SHANK2: variants seen among roughly 807,000 people sequenced by gnomAD.
SHANK2 encodes SH3 and multiple ankyrin repeat domains protein 2.
Under a neutral mutation model 133.7 loss-of-function variants are expected in SHANK2, and 43 were observed. The ratio of observed to expected loss-of-function variants is 0.32; its 90% CI spans 0.25 to 0.41. The LOEUF is 0.41. Among genes scored for constraint, SHANK2 ranks in the 10% least tolerant of loss-of-function variants. The pLI is 1.00. For missense variants in SHANK2, 1,994 were observed against 2,235.8 expected, an observed-to-expected ratio of 0.89 and a Z score of 2.18; for synonymous variants, 1,017 against 952.8, an observed-to-expected ratio of 1.07 and a Z score of -1.24.
intron 11 of SHANK2, among the ~76,000 whole-genome samples, chr11:70,832,156 G>A (rs1555058710): frequency 6.6e-6 from 1 of 152,196 alleles, no homozygotes; most frequent in East Asian, 1.9e-4. Flanking sequence ...TATTAATGGT[G>A]CCACTTCACA....
chr11:71,106,427 C>A (rs1285197415), intron 6 of SHANK2, among the ~76,000 whole-genome samples: 2 of 152,066 alleles, frequency 1.3e-5, no homozygotes, highest in East Asian at 1.9e-4. Context: ...CATAGGGAGA[C>A]CCCCATCTCT....
chr11:71,198,084 C>T (rs559802854), intron 2 of SHANK2, among the ~76,000 whole-genome samples: 4 of 152,264 alleles, frequency 2.6e-5, no homozygotes, highest in East Asian at 3.9e-4. Context: ...TCAAGGACAG[C>T]GGCTTGAGTT....
chr11:70,901,218 T>C (rs1788886230), intron 10 of SHANK2, among the ~76,000 whole-genome samples: 1 of 152,208 alleles, frequency 6.6e-6, no homozygotes, highest in South Asian at 2.1e-4. Flanking sequence ...CTTCATCTAA[T>C]CACCTTAGCT....
chr11:71,073,132 T>C (rs1951164522), intron 9 of SHANK2, among the ~76,000 whole-genome samples: 1 of 137,670 alleles, frequency 7.3e-6, no homozygotes, highest in Non-Finnish European at 1.6e-5. Flanking sequence ...TTTTTGTTTT[T>C]TTTCTTTTTC....
At chr11:70,651,791 G>A (rs577385428) in intron 17 of SHANK2, among the ~76,000 whole-genome samples, 3 of 152,236 alleles carry the variant, frequency 2.0e-5, no homozygotes, top group Non-Finnish European at 4.4e-5. Context: ...GAAGAATTCA[G>A]CAGTCACCCT....
chr11:70,824,327 T>C (rs1555056759), intron 11 of SHANK2, among the ~76,000 whole-genome samples: 1 of 152,120 alleles, frequency 6.6e-6, no homozygotes, highest in African/African-American at 2.4e-5. Context: ...GGTAAGAACC[T>C]GGAGGTGGTA....
chr11:70,908,966 C>T (rs1287012116), intron 10 of SHANK2, among the ~76,000 whole-genome samples: 3 of 152,134 alleles, frequency 2.0e-5, no homozygotes, highest in Admixed American at 6.5e-5. Flanking sequence ...ACCTTCTGGG[C>T]AGTATTATCC....
In SHANK2 at chr11:70,718,700, C is replaced by CTTTTTTTTTTTT. The variant is rs60414874; in HGVS notation, c.1778-19949_1778-19938dup. On this transcript the variant is annotated intron_variant, in intron 14 of 25. Coordinates refer to ENST00000601538, the MANE Select transcript of SHANK2 (RefSeq NM_012309.5). Reference sequence around the variant, plus strand: ...CTCCCTTTTTGATAGAGCTCATTCTCTTTTTTTTTTTTTGAATTGCTGGCC... The same window carrying CTTTTTTTTTTTT: ...CTCCCTTTTTGATAGAGCTCATTCTCTTTTTTTTTTTTTTTTTTTTTTTTTGAATTGCTGGCC... Among the ~76,000 whole-genome samples the CTTTTTTTTTTTT allele has an allele frequency of 8.3e-4, 108 of 129,758 alleles. 10 individuals carry two copies. Among genetic ancestry groups the CTTTTTTTTTTTT allele is most frequent in the African/African-American group, 2.3e-3 (70 of 31,062 alleles). The allele number at this position is 129,758 out of a possible 152,430, so 85.1% of individuals were successfully genotyped here. A position where few individuals can be genotyped will look rare whatever the true frequency, so the allele number is the denominator to read the frequency against.
At chr11:71,133,194 A>G (rs73523255) in intron 3 of SHANK2, among the ~76,000 whole-genome samples, 1,742 of 140,576 alleles carry the variant, frequency 0.012, 44 homozygotes, top group African/African-American at 0.05. Context: ...GGATGCATGG[A>G]TGGGTGGCTG....
chr11:71,176,102 C>G (rs1953438618), intron 2 of SHANK2, among the ~76,000 whole-genome samples: 1 of 152,214 alleles, frequency 6.6e-6, no homozygotes, highest in Non-Finnish European at 1.5e-5. Context: ...TCTCACCATT[C>G]ATGGGGCAGT....
At position 71,133,317 on chromosome 11, in the gene SHANK2, G is replaced by GCTGT. The variant is rs1163677876; in HGVS notation, c.207+13802_207+13803insACAG. Among the ~76,000 whole-genome samples the GCTGT allele has an allele frequency of 4.8e-5, 7 of 144,400 alleles. No individual in the cohort carries two copies. The East Asian group carries it at 1.4e-3, about 29-fold the overall frequency. The allele number at this position is 144,400 out of a possible 152,430, so 94.7% of individuals were successfully genotyped here. ...GGCTGGCTGGCTGGCTGGCTGGCTG[G>GCTGT]CTGGGTAGGTGGGTGGCTGGGAGGA... On this transcript the variant is annotated intron_variant, in intron 3 of 25. Transcript: ENST00000601538.
At chr11:71,059,820 C>T (rs1950966234) in intron 9 of SHANK2, among the ~76,000 whole-genome samples, 2 of 152,194 alleles carry the variant, frequency 1.3e-5, no homozygotes, top group African/African-American at 4.8e-5. Flanking sequence ...GTGACTGTGG[C>T]CAGCTTTGTT....
At chr11:71,091,964 C>T (rs1434428170) in intron 8 of SHANK2, among the ~76,000 whole-genome samples, 1 of 152,254 alleles carries the variant, frequency 6.6e-6, no homozygotes, top group South Asian at 2.1e-4. Flanking sequence ...CCTAACCCAA[C>T]TGTTGCAAGG....
At position 70,834,581 on chromosome 11, in the gene SHANK2, CTT is replaced by C. The variant is rs782502305; in HGVS notation, c.1175-13901_1175-13900del. 8.4e-4 allele frequency among the ~76,000 whole-genome samples: 128 copies of C among 152,344 alleles called. 1 individual carries two copies. The highest frequency in any genetic ancestry group is 8.3e-4 in the South Asian group (4 of 4,828). On this transcript the variant is annotated intron_variant, in intron 11 of 25. Transcript: ENST00000601538. ...CCCCACCAGATCCAAAATAGCATCT[CTT>C]GTTTCTTTCCCTCGTAGCTTTAGAT...
intron 14 of SHANK2, among the ~76,000 whole-genome samples, chr11:70,730,681 T>C (rs782742283): frequency 3.2e-4 from 48 of 152,322 alleles, no homozygotes; most frequent in Admixed American, 9.2e-4. Flanking sequence ...CTCTCCCTGC[T>C]GAAGGATGAG....
At chr11:70,852,160 T>A (rs1403784411) in intron 11 of SHANK2, among the ~76,000 whole-genome samples, 1 of 152,208 alleles carries the variant, frequency 6.6e-6, no homozygotes, top group Non-Finnish European at 1.5e-5. Flanking sequence ...GACTCAGACA[T>A]GACACACGGC....
In SHANK2 at chr11:70,538,896, C is replaced by T. The variant is rs187179303; in HGVS notation, c.2062-35965G>A. ...CACCCCCAGCCTCACCATCAACCAC[C>T]CCTCCATTAGCCTTGGCTACTGAGA... On this transcript the variant is annotated intron_variant, in intron 17 of 25. Transcript: ENST00000601538. Among the ~76,000 whole-genome samples, 81 of 152,316 alleles carry T rather than the reference C, an allele frequency of 5.3e-4. 1 individual carries two copies. The East Asian group carries it at 0.015, about 29-fold the overall frequency.
intron 6 of SHANK2, among the ~76,000 whole-genome samples, chr11:71,100,065 A>G (rs1951693411): frequency 6.7e-6 from 1 of 149,458 alleles, no homozygotes; most frequent in Non-Finnish European, 1.5e-5. Flanking sequence ...AAAAAAAAAG[A>G]CACCTCAACA....
At chr11:71,217,370 G>A (rs1379728968) in intron 2 of SHANK2, among the ~76,000 whole-genome samples, 17 of 151,878 alleles carry the variant, frequency 1.1e-4, no homozygotes, top group African/African-American at 3.6e-4. Flanking sequence ...AATTGGGCAC[G>A]GTGGCGCGCC....
Sources: allele counts gnomAD v4.1 joint callset (sites outside exome capture counted in the v4.1 genomes callset), GRCh38; gene constraint gnomAD v4.1.1; transcripts MANE v1.5; gene names NCBI Gene and HGNC (gene_info 2026-07-23, HGNC 2026-07-21).